Variants in FILIP1 observed in about 807,000 individuals in gnomAD.
FILIP1 encodes filamin A interacting protein 1.
FILIP1 carries 61 observed loss-of-function variants against 102.1 expected under a neutral mutation model. That is an observed-to-expected ratio of 0.60 (90% CI 0.49 to 0.74). FILIP1 has a LOEUF of 0.74. Among genes scored for constraint, FILIP1 ranks in the 30% least tolerant of loss-of-function variants. The probability of loss-of-function intolerance (pLI) is 0.00; values close to 1 mark genes in which losing one functional copy is unlikely to be tolerated. For missense variants in FILIP1, 1,314 were observed against 1,441.2 expected (o/e 0.91, Z 1.43); for synonymous variants, 491 against 526.9 (o/e 0.93, Z 0.93).
At chr6:75,388,335 T>G (rs1776168928) in intron 2 of FILIP1, among the ~76,000 whole-genome samples, 1 of 152,222 alleles carries the variant, frequency 6.6e-6, no homozygotes, top group Non-Finnish European at 1.5e-5. Flanking sequence ...GCTTTGTTCT[T>G]TTTGCTTAGG....
Position 75,382,108 on chromosome 6 carries a change from C to T in FILIP1, c.277-19191G>A, listed in dbSNP as rs557233301. Among the ~76,000 whole-genome samples, 5 of 152,352 alleles carry T rather than the reference C, an allele frequency of 3.3e-5. No homozygotes were observed. The South Asian group carries it at 1.0e-3, about 32-fold the overall frequency. On this transcript the variant is annotated intron_variant, in intron 2 of 5. Transcript: ENST00000237172. ...ATAGCCATCTGGTCCAATTTCCCCA[C>T]ACTACATAACTTGATTGGCTTCTCA...
In FILIP1 at chr6:75,313,338, T is replaced by C; in HGVS notation, c.2494A>G (p.Asn832Asp). ...TGCCGAAGATTACTCATAATATGAT[T>C]TTCTTCCTGGAAGGATTTCCGTATG... ...VFIRKSFQEENHIMSNLRQVG... is the reference protein window; with the variant it reads ...VFIRKSFQEEDHIMSNLRQVG... The change falls in exon 5 of 6, where the codon AAT (asparagine) becomes GAT (aspartate). Residue 832 changes from asparagine (N) to aspartate (D), a missense_variant. Coordinates refer to ENST00000237172, the MANE Select transcript of FILIP1 (RefSeq NM_015687.5). This position sits in a 1 kb window ranked among gnomAD's most constrained non-coding sequence, Gnocchi z 4.2. 1 of 1,614,222 alleles carries C rather than the reference T, an allele frequency of 6.2e-7. No homozygotes were observed.
chr6:75,371,333 C>A (rs1775510495), intron 2 of FILIP1, among the ~76,000 whole-genome samples: 1 of 152,080 alleles, frequency 6.6e-6, no homozygotes, highest in South Asian at 2.1e-4. Flanking sequence ...GAATATCCAC[C>A]AAAAGAAATC....
At chr6:75,478,951 C>G (rs1358691929) in intron 1 of FILIP1, among the ~76,000 whole-genome samples, 2 of 152,146 alleles carry the variant, frequency 1.3e-5, no homozygotes, top group Admixed American at 1.3e-4. Context: ...CTTGGTCCCT[C>G]ACCCTCATGA....
At chr6:75,354,217 C>G (rs993025384) in intron 3 of FILIP1, among the ~76,000 whole-genome samples, 1 of 152,172 alleles carries the variant, frequency 6.6e-6, no homozygotes, top group Admixed American at 6.5e-5. Flanking sequence ...TACCCATTTA[C>G]GCTCCTACAA....
chr6:75,382,525 C>T (rs920567425), intron 2 of FILIP1, among the ~76,000 whole-genome samples: 1 of 152,098 alleles, frequency 6.6e-6, no homozygotes, highest in African/African-American at 2.4e-5. Context: ...AGGCACAGCC[C>T]CCAAAAGAAT....
At chr6:75,410,514 C>T (rs759096033) in intron 2 of FILIP1, among the ~76,000 whole-genome samples, 2 of 152,058 alleles carry the variant, frequency 1.3e-5, no homozygotes, top group South Asian at 2.1e-4. Context: ...CCTTCATCTA[C>T]ATTAGGTATT....
At chr6:75,462,322 G>A (rs1375374128) in intron 1 of FILIP1, among the ~76,000 whole-genome samples, 1 of 152,054 alleles carries the variant, frequency 6.6e-6, no homozygotes, top group Non-Finnish European at 1.5e-5. Flanking sequence ...GCCCTCTGAG[G>A]CACAAAGCTT....
chr6:75,489,462 G>C (rs1779893682), intron 1 of FILIP1, among the ~76,000 whole-genome samples: 1 of 151,984 alleles, frequency 6.6e-6, no homozygotes, highest in Non-Finnish European at 1.5e-5. Flanking sequence ...ATGCAACAAA[G>C]ATTAAAGTAA....
intron 1 of FILIP1, among the ~76,000 whole-genome samples, chr6:75,479,126 C>A (rs1413983650): frequency 1.3e-5 from 2 of 152,186 alleles, no homozygotes; most frequent in Non-Finnish European, 2.9e-5. Context: ...TATCAAGCAA[C>A]TGAGAAAGAA....
At chr6:75,382,547 T>C (rs115210057) in intron 2 of FILIP1, among the ~76,000 whole-genome samples, 1 of 152,240 alleles carries the variant, frequency 6.6e-6, no homozygotes, top group African/African-American at 2.4e-5. Context: ...AACTCTACTG[T>C]GCTTGCTATT....
chr6:75,374,382 CT>C (rs1483447883), intron 2 of FILIP1, among the ~76,000 whole-genome samples: 4 of 152,088 alleles, frequency 2.6e-5, no homozygotes, highest in South Asian at 2.1e-4. Context: ...AAGCTGAATT[CT>C]TTTTTTATTT....
intron 5 of FILIP1, 68 bp from the exon 6 acceptor site, chr6:75,308,965 C>T: frequency 1.9e-6 from 3 of 1,554,902 alleles, no homozygotes; most frequent in East Asian, 4.5e-5. Context: ...TGCCATCAAT[C>T]TGAACATTAG....
intron 5 of FILIP1, among the ~76,000 whole-genome samples, chr6:75,309,931 C>A (rs777767629): frequency 2.6e-5 from 4 of 152,090 alleles, no homozygotes; most frequent in Non-Finnish European, 4.4e-5. Context: ...CTGTTTTCCA[C>A]ACACATGTTT....
At chr6:75,300,487 A>G (rs998196582) in intron 6 of FILIP1, among the ~76,000 whole-genome samples, 1 of 151,566 alleles carries the variant, frequency 6.6e-6, no homozygotes, top group African/African-American at 2.4e-5. Flanking sequence ...GTCCACTGCA[A>G]AAATGTCCTA....
chr6:75,363,201 G>A (rs1170306722), intron 2 of FILIP1, among the ~76,000 whole-genome samples: 1 of 152,098 alleles, frequency 6.6e-6, no homozygotes, highest in Non-Finnish European at 1.5e-5. Context: ...GGGATGGGGT[G>A]GGGGAGGGAG....
At chr6:75,467,938 A>G (rs1779217383) in intron 1 of FILIP1, among the ~76,000 whole-genome samples, 1 of 152,184 alleles carries the variant, frequency 6.6e-6, no homozygotes, top group African/African-American at 2.4e-5. Context: ...CCCTCTACCA[A>G]CTTAGGCCAC....
chr6:75,458,740 G>A (rs191786933), intron 1 of FILIP1: 7 of 152,252 alleles, frequency 4.6e-5, no homozygotes, highest in African/African-American at 1.7e-4. Flanking sequence ...ACACTGGCTT[G>A]GAATGAGCTC....
intron 2 of FILIP1, chr6:75,398,843 A>G (rs2149668234): frequency 1.1e-5 from 1 of 91,718 alleles, no homozygotes; most frequent in South Asian, 4.0e-4. Context: ...CTTAAAGCGA[A>G]ATTTATCTTT....
Sources: allele counts gnomAD v4.1 joint callset (sites outside exome capture counted in the v4.1 genomes callset), GRCh38; gene constraint gnomAD v4.1.1; non-coding constraint Gnocchi (gnomAD v3.1); transcripts MANE v1.5; gene names NCBI Gene and HGNC (gene_info 2026-07-23, HGNC 2026-07-21).